The following PRELID2 variants were observed in gnomAD, a reference collection of about 807,000 sequenced individuals.
The protein encoded by PRELID2 is PRELI domain containing 2, also known as PRELI domain-containing protein 2.
In PRELID2, 25 loss-of-function variants were observed where a neutral mutation model predicts 28.4. The ratio of observed to expected loss-of-function variants is 0.88; its 90% CI spans 0.64 to 1.23. The LOEUF (loss-of-function observed/expected upper bound fraction) is 1.23. PRELID2 is among the 50% of genes most tolerant of loss of function. The pLI, the probability that PRELID2 is intolerant of heterozygous loss-of-function variation, is 0.00. For missense variants in PRELID2, 201 were observed against 214.4 expected (o/e 0.94, Z 0.39); for synonymous variants, 76 against 71.6 (o/e 1.06, Z -0.31).
chr5:145,711,836 G>T (rs1324080456), intron 1 of PRELID2, among the ~76,000 whole-genome samples: 1 of 152,190 alleles, frequency 6.6e-6, no homozygotes, highest in Non-Finnish European at 1.5e-5. Context: ...AGCACAGTGG[G>T]GCACAGAGAG....
chr5:145,566,667 C>T (rs1752969829), intron 1 of PRELID2, among the ~76,000 whole-genome samples: 1 of 152,032 alleles, frequency 6.6e-6, no homozygotes, highest in African/African-American at 2.4e-5. Context: ...TGGTGAAATT[C>T]TGTCTCTACT....
chr5:145,349,312 G>A, the PRELID2 span, among the ~76,000 whole-genome samples: 1 of 151,644 alleles, frequency 6.6e-6, no homozygotes, highest in Non-Finnish European at 1.5e-5. Flanking sequence ...TTATATTTTT[G>A]GGACTTTGCT....
the PRELID2 span, among the ~76,000 whole-genome samples, chr5:145,258,536 G>T: frequency 7.2e-5 from 11 of 152,268 alleles, no homozygotes; most frequent in South Asian, 2.3e-3. Flanking sequence ...CTGCCCAAGG[G>T]ATAGGTGGAA....
intron 2 of PRELID2, among the ~76,000 whole-genome samples, chr5:145,820,660 G>C (rs548138659): frequency 2.3e-4 from 35 of 152,210 alleles, no homozygotes; most frequent in Non-Finnish European, 4.0e-4. Context: ...AAACCTGTAC[G>C]GTTCTGCAGC....
the PRELID2 span, among the ~76,000 whole-genome samples, chr5:145,383,185 C>A: frequency 5.9e-5 from 9 of 151,652 alleles, no homozygotes; most frequent in East Asian, 1.7e-3. Flanking sequence ...GAAATACACA[C>A]ACACATCCAT....
chr5:145,463,287 A>G, the PRELID2 span, among the ~76,000 whole-genome samples: 1 of 151,174 alleles, frequency 6.6e-6, no homozygotes, highest in Non-Finnish European at 1.5e-5. Context: ...AATCTTTTTT[A>G]AGTTTCAAAA....
the PRELID2 span, among the ~76,000 whole-genome samples, chr5:145,405,078 T>G: frequency 2.0e-5 from 3 of 152,126 alleles, no homozygotes; most frequent in Non-Finnish European, 4.4e-5. Context: ...AAACTTCAAG[T>G]GCCACGCTAT....
the PRELID2 span, among the ~76,000 whole-genome samples, chr5:145,339,667 A>G: frequency 2.6e-5 from 4 of 152,142 alleles, no homozygotes; most frequent in African/African-American, 9.7e-5. Flanking sequence ...GCACTCTGAG[A>G]AAAAATCCCA....
chr5:145,510,516 G>A (rs149772554), intron 1 of PRELID2, among the ~76,000 whole-genome samples: 1 of 152,244 alleles, frequency 6.6e-6, no homozygotes, highest in Non-Finnish European at 1.5e-5. Flanking sequence ...GCAATTCTTG[G>A]CTCTGGCCAC....
At chr5:145,375,218 A>G in the PRELID2 span, among the ~76,000 whole-genome samples, 3 of 151,880 alleles carry the variant, frequency 2.0e-5, no homozygotes, top group African/African-American at 7.3e-5. Flanking sequence ...TCTTTCAATA[A>G]TCAAGTCCCA....
At chr5:145,474,971 G>T (rs1752086317) in intron 1 of PRELID2, among the ~76,000 whole-genome samples, 2 of 152,096 alleles carry the variant, frequency 1.3e-5, no homozygotes, top group African/African-American at 4.8e-5. Flanking sequence ...TAAGCCAATA[G>T]GTCTGTTATT....
intron 5 of PRELID2, among the ~76,000 whole-genome samples, chr5:145,787,619 C>A (rs1289251471): frequency 6.6e-6 from 1 of 151,890 alleles, no homozygotes; most frequent in Non-Finnish European, 1.5e-5. Flanking sequence ...CAGTTCACTG[C>A]AGCCTTTACC....
chr5:145,556,137 C>T (rs1412309268), intron 1 of PRELID2, among the ~76,000 whole-genome samples: 1 of 144,786 alleles, frequency 6.9e-6, no homozygotes, highest in Non-Finnish European at 1.5e-5. Flanking sequence ...AAGATCACGC[C>T]ACTGCACTCC....
chr5:145,650,970 C>G lies in PRELID2; in HGVS notation n.70+113961G>C, dbSNP rs146215753. On this transcript the variant is annotated intron_variant and non_coding_transcript_variant, in intron 1 of 2. Transcript: ENST00000510259. ...AAAGCAGGGCGAGGCATCGCCTCACCTGGGAAGCACAAAGGGTCAGGGAAT... is the reference window on the plus strand; with the variant it reads ...AAAGCAGGGCGAGGCATCGCCTCACGTGGGAAGCACAAAGGGTCAGGGAAT... Among the ~76,000 whole-genome samples, 659 of 152,276 alleles carry G rather than the reference C, an allele frequency of 4.3e-3. 4 individuals are homozygous for G. The highest frequency in any genetic ancestry group is 0.015 in the African/African-American group (641 of 41,564).
At chr5:145,684,460 T>C (rs1369320730) in intron 1 of PRELID2, among the ~76,000 whole-genome samples, 4 of 152,208 alleles carry the variant, frequency 2.6e-5, no homozygotes, top group African/African-American at 9.6e-5. Context: ...CTAAAACCTA[T>C]CACTCTCTTC....
rs1423120945 is a variant in PRELID2, at chr5:145,561,149, C to T, written n.71-87834G>A. Among the ~76,000 whole-genome samples the T allele has an allele frequency of 2.0e-5, 3 of 152,058 alleles. No homozygotes were observed. In the East Asian group the frequency reaches 5.8e-4, roughly 29 times the overall value. ...CCTCCAAGTTATGAATAAAGTACAACACACAATCTGTATATTTTTGTCTTT... is the reference window on the plus strand; with the variant it reads ...CCTCCAAGTTATGAATAAAGTACAATACACAATCTGTATATTTTTGTCTTT... On this transcript the variant is annotated intron_variant and non_coding_transcript_variant, in intron 1 of 2. Coordinates refer to the PRELID2 transcript ENST00000510259.
In PRELID2 at chr5:145,665,152, AAAAAG is replaced by A. The variant is rs1754563261; in HGVS notation, n.70+99774_70+99778del. 3.9e-5 allele frequency among the ~76,000 whole-genome samples: 6 copies of A among 152,264 alleles called. No homozygotes were observed. The South Asian group carries it at 1.2e-3, about 31-fold the overall frequency. ...TCACCTATTTACTTCTACAAGTTAAAAAAAGAAGAGTTTTAACTCTACAATACAAC... is the reference window on the plus strand; with the variant it reads ...TCACCTATTTACTTCTACAAGTTAAAAAGAGTTTTAACTCTACAATACAAC... On this transcript the variant is annotated intron_variant and non_coding_transcript_variant, in intron 1 of 2. Transcript: ENST00000510259.
chr5:145,338,071 T>A, the PRELID2 span: 1 of 152,220 alleles, frequency 6.6e-6, no homozygotes, highest in Non-Finnish European at 1.5e-5. Context: ...ATATAATGAT[T>A]CCTTTTATTC....
At chr5:145,567,043 G>GTA (rs1752972962) in intron 1 of PRELID2, among the ~76,000 whole-genome samples, 1 of 152,038 alleles carries the variant, frequency 6.6e-6, no homozygotes, top group Admixed American at 6.6e-5. Flanking sequence ...TATGGCCAGA[G>GTA]TATATATATC....
Sources: gnomAD v4.1 joint callset for allele counts (sites outside exome capture counted in the v4.1 genomes callset) on GRCh38, gnomAD v4.1.1 for gene constraint, MANE v1.5 for transcripts, NCBI Gene and HGNC (gene_info 2026-07-23, HGNC 2026-07-21) for gene names.